The following VWA3B variants were observed in gnomAD, a reference collection of about 807,000 sequenced individuals.
VWA3B encodes the protein von Willebrand factor A domain-containing protein 3B.
Under a neutral mutation model 158.3 loss-of-function variants are expected in VWA3B, and 138 were observed. The observed-to-expected ratio is 0.87, with a 90% CI of 0.76 to 1.00. VWA3B has a LOEUF of 1.00. Ranked by LOEUF, VWA3B falls within the 50% of genes least tolerant of loss-of-function variation. The pLI, the probability that VWA3B is intolerant of heterozygous loss-of-function variation, is 0.00. For missense variants in VWA3B, 1,555 were observed against 1,565.1 expected, an observed-to-expected ratio of 0.99 and a Z score of 0.11; for synonymous variants, 596 against 587.3, an observed-to-expected ratio of 1.01 and a Z score of -0.21.
intron 10 of VWA3B, among the ~76,000 whole-genome samples, chr2:98,189,844 T>C (rs1681428752): frequency 6.6e-6 from 1 of 152,210 alleles, no homozygotes; most frequent in Non-Finnish European, 1.5e-5. Context: ...TATTCCTTGC[T>C]CTGAAATTTA....
At chr2:98,280,468 G>C (rs74414322) in intron 22 of VWA3B, among the ~76,000 whole-genome samples, 338 of 152,340 alleles carry the variant, frequency 2.2e-3, no homozygotes, top group African/African-American at 7.7e-3. Context: ...TCCACACCCC[G>C]GTGCTGCCCT....
At chr2:98,212,474 C>G (rs534590900) in intron 13 of VWA3B, among the ~76,000 whole-genome samples, 4 of 152,126 alleles carry the variant, frequency 2.6e-5, no homozygotes, top group Non-Finnish European at 4.4e-5. Context: ...AGCGAAATGT[C>G]CTTTGTTTTG....
the VWA3B span, among the ~76,000 whole-genome samples, chr2:98,328,132 A>G: frequency 3.9e-5 from 6 of 152,172 alleles, no homozygotes; most frequent in South Asian, 4.1e-4. Flanking sequence ...GTGCCACCCA[A>G]TAAAGTTTTG....
At chr2:98,321,972 G>A in the VWA3B span, among the ~76,000 whole-genome samples, 96 of 152,272 alleles carry the variant, frequency 6.3e-4, 1 homozygote, top group African/African-American at 2.2e-3. Flanking sequence ...TGCTGTTCTT[G>A]TGATAGGGAT....
intron 23 of VWA3B, among the ~76,000 whole-genome samples, chr2:98,293,977 A>T (rs536422437): frequency 6.6e-6 from 1 of 152,122 alleles, no homozygotes; most frequent in African/African-American, 2.4e-5. Flanking sequence ...CATGATAGTG[A>T]CATTATTTAA....
intron 15 of VWA3B, among the ~76,000 whole-genome samples, chr2:98,229,837 C>A (rs1685203422): frequency 2.0e-5 from 3 of 152,258 alleles, no homozygotes; most frequent in African/African-American, 7.2e-5. Context: ...GTGAAGTGAG[C>A]TGTATCTTCT....
the VWA3B span, among the ~76,000 whole-genome samples, chr2:98,329,057 C>G: frequency 6.6e-6 from 1 of 152,052 alleles, no homozygotes; most frequent in African/African-American, 2.4e-5. Context: ...TGATTTTCAA[C>G]AAAAGTCCCA....
At chr2:98,088,540 CT>C (rs1050589355) in intron 1 of VWA3B, among the ~76,000 whole-genome samples, 1 of 152,134 alleles carries the variant, frequency 6.6e-6, no homozygotes, top group African/African-American at 2.4e-5. Flanking sequence ...TTTACACTTC[CT>C]CCTTCTTCTA....
At chr2:98,295,226 G>A (rs762750608) in intron 23 of VWA3B, among the ~76,000 whole-genome samples, 15 of 152,156 alleles carry the variant, frequency 9.9e-5, no homozygotes, top group Admixed American at 1.3e-4. Flanking sequence ...CTGGAGCAGA[G>A]TGAAAGCCTT....
At position 98,160,335 on chromosome 2, in the gene VWA3B, C is replaced by G. The variant is rs143657686; in HGVS notation, c.989-2516C>G. On this transcript the variant is annotated intron_variant, in intron 7 of 27. Transcript: ENST00000477737. ...CTGTTTTTTTGTTTTGTTTTGTTTT[C>G]TTTTCTTTTGTTTTTAAGCAAAGCA... Among the ~76,000 whole-genome samples the G allele has an allele frequency of 9.8e-4, 149 of 152,124 alleles. 1 individual carries two copies. Among genetic ancestry groups the G allele is most frequent in the Non-Finnish European group, 1.3e-3 (87 of 67,982 alleles).
chr2:98,126,536 G>A (rs980101231), intron 5 of VWA3B, among the ~76,000 whole-genome samples: 1 of 152,208 alleles, frequency 6.6e-6, no homozygotes, highest in African/African-American at 2.4e-5. Flanking sequence ...CCGTTTAAAT[G>A]TGTCTCCCAC....
rs138724925 is a variant in VWA3B, at chr2:98,162,843, C to A, written c.989-8C>A. The stretch of plus-strand genomic sequence containing the variant: ...AGCCGGCCGCTCATGCTGTGTCTCC[C>A]CTTTTAGGAGCTGGAGTCAGAGAGG... On this transcript the variant is annotated splice_polypyrimidine_tract_variant and splice_region_variant and intron_variant, in intron 7 of 27. Transcript: ENST00000477737. 7 of 1,613,226 alleles carry A rather than the reference C, an allele frequency of 4.3e-6. No homozygotes were observed. Among genetic ancestry groups the A allele is most frequent in the Non-Finnish European group, 5.9e-6 (7 of 1,179,896 alleles).
At chr2:98,133,766 C>A (rs989376657) in intron 6 of VWA3B, 58 bp from the exon 7 acceptor site, 2 of 1,469,126 alleles carry the variant, frequency 1.4e-6, no homozygotes, top group Admixed American at 1.7e-5. Flanking sequence ...GGAGAAGGAA[C>A]AAGCATGCAC....
At chr2:98,099,819 T>C (rs1469840916) in intron 2 of VWA3B, among the ~76,000 whole-genome samples, 1 of 152,096 alleles carries the variant, frequency 6.6e-6, no homozygotes. Context: ...CCAGATTCTT[T>C]CTTCTGCTTG....
chr2:98,189,703 T>C (rs1428016636), intron 10 of VWA3B, among the ~76,000 whole-genome samples: 1 of 152,184 alleles, frequency 6.6e-6, no homozygotes, highest in African/African-American at 2.4e-5. Context: ...TTAATTCTCA[T>C]TTCAGTTCTG....
At chr2:98,330,313 G>A in the VWA3B span, among the ~76,000 whole-genome samples, 6 of 152,102 alleles carry the variant, frequency 3.9e-5, no homozygotes, top group African/African-American at 7.2e-5. Flanking sequence ...ATGGTGGTCC[G>A]GAGACTTATA....
intron 13 of VWA3B, 174 bp downstream of exon 13, chr2:98,212,202 T>C (rs1683585061): frequency 3.6e-6 from 2 of 549,658 alleles, no homozygotes; most frequent in Non-Finnish European, 3.2e-6. Context: ...CTTTTGTCTC[T>C]GGAAACTCTG....
intron 14 of VWA3B, among the ~76,000 whole-genome samples, chr2:98,220,488 G>T (rs938565625): frequency 3.9e-5 from 6 of 152,142 alleles, no homozygotes; most frequent in Non-Finnish European, 5.9e-5. Context: ...ATCTCCAAAA[G>T]AGGACAAAGG....
At chr2:98,239,181 T>C (rs142303412) in intron 19 of VWA3B, among the ~76,000 whole-genome samples, 1 of 152,198 alleles carries the variant, frequency 6.6e-6, no homozygotes, top group Admixed American at 6.5e-5. Context: ...TAGGAATCTA[T>C]GTAAGGAAAT....
Sources: gnomAD v4.1 joint callset for allele counts (sites outside exome capture counted in the v4.1 genomes callset) on GRCh38, gnomAD v4.1.1 for gene constraint, MANE v1.5 for transcripts, NCBI Gene and HGNC (gene_info 2026-07-23, HGNC 2026-07-21) for gene names.